CCSER1: variants seen among roughly 807,000 people sequenced by gnomAD.
The protein encoded by CCSER1 is coiled-coil serine rich protein 1.
CCSER1 carries 41 observed loss-of-function variants against 82.0 expected under a neutral mutation model. The ratio of observed to expected loss-of-function variants is 0.50; its 90% CI spans 0.39 to 0.65. The LOEUF is 0.65. Ranked by LOEUF, CCSER1 falls within the 30% of genes least tolerant of loss-of-function variation. The pLI, the probability that CCSER1 is intolerant of heterozygous loss-of-function variation, is 0.00. For missense variants in CCSER1, 1,119 were observed against 1,064.2 expected, an observed-to-expected ratio of 1.05 and a Z score of -0.72; for synonymous variants, 414 against 383.9, an observed-to-expected ratio of 1.08 and a Z score of -0.92.
At chr4:90,441,203 C>T (rs989780396) in intron 4 of CCSER1, among the ~76,000 whole-genome samples, 2 of 152,082 alleles carry the variant, frequency 1.3e-5, no homozygotes, top group Non-Finnish European at 2.9e-5. Flanking sequence ...CACCTGAATA[C>T]TTGGAATTTT....
At chr4:91,483,997 C>T (rs1415960181) in intron 10 of CCSER1, among the ~76,000 whole-genome samples, 1 of 145,898 alleles carries the variant, frequency 6.9e-6, no homozygotes, top group Non-Finnish European at 1.5e-5. Flanking sequence ...GTGCTTACAA[C>T]TTTAACTTCA....
chr4:91,436,750 A>G (rs1284147925), intron 10 of CCSER1, among the ~76,000 whole-genome samples: 1 of 152,224 alleles, frequency 6.6e-6, no homozygotes, highest in Non-Finnish European at 1.5e-5. Flanking sequence ...AAACAGAGAG[A>G]TAGCCAAGCC....
chr4:91,374,934 T>G (rs944381979), intron 10 of CCSER1, among the ~76,000 whole-genome samples: 3 of 152,160 alleles, frequency 2.0e-5, no homozygotes, highest in African/African-American at 7.2e-5. Flanking sequence ...AGGCTGAGGT[T>G]GCAGTGAGCT....
chr4:91,543,600 CT>C, intron 10 of CCSER1, among the ~76,000 whole-genome samples: 2 of 152,118 alleles, frequency 1.3e-5, no homozygotes, highest in Non-Finnish European at 2.9e-5. Context: ...GTTGAAAATT[CT>C]TTTCTTTAAG....
At chr4:91,432,075 T>C (rs1754360893) in intron 10 of CCSER1, among the ~76,000 whole-genome samples, 2 of 152,168 alleles carry the variant, frequency 1.3e-5, no homozygotes, top group Non-Finnish European at 2.9e-5. Flanking sequence ...GAGGGAGTTC[T>C]GGTGAGATCT....
At chr4:90,750,958 T>C (rs1461597983) in intron 7 of CCSER1, among the ~76,000 whole-genome samples, 1 of 152,170 alleles carries the variant, frequency 6.6e-6, no homozygotes, top group Admixed American at 6.6e-5. Flanking sequence ...CTGTCTATTA[T>C]GAAAATATCA....
chr4:90,397,710 T>G (rs2153542805), intron 3 of CCSER1, among the ~76,000 whole-genome samples: 1 of 152,272 alleles, frequency 6.6e-6, no homozygotes, highest in Admixed American at 6.5e-5. Context: ...TCTTGGACCG[T>G]TCACCAAGGA....
At chr4:91,303,524 A>G (rs1468327588) in intron 10 of CCSER1, among the ~76,000 whole-genome samples, 1 of 151,992 alleles carries the variant, frequency 6.6e-6, no homozygotes. Flanking sequence ...AGTTGTTCAC[A>G]CTTGTAATCC....
chr4:90,661,596 A>G (rs1016253327), intron 6 of CCSER1, among the ~76,000 whole-genome samples: 1 of 152,224 alleles, frequency 6.6e-6, no homozygotes, highest in African/African-American at 2.4e-5. Context: ...TATGTTAACT[A>G]TAAAGGAGAA....
intron 10 of CCSER1, among the ~76,000 whole-genome samples, chr4:91,370,085 C>T (rs1340355183): frequency 6.6e-5 from 10 of 151,494 alleles, no homozygotes; most frequent in East Asian, 3.9e-4. Context: ...CCATGTAGAC[C>T]TTGTGCTCAA....
intron 1 of CCSER1, among the ~76,000 whole-genome samples, chr4:90,155,997 C>T (rs1297902225): frequency 6.6e-6 from 1 of 152,088 alleles, no homozygotes; most frequent in African/African-American, 2.4e-5. Context: ...CCTGCTTCCT[C>T]TTGTGGGCAT....
intron 5 of CCSER1, among the ~76,000 whole-genome samples, chr4:90,581,350 T>A (rs911057060): frequency 4.6e-5 from 7 of 152,124 alleles, no homozygotes; most frequent in South Asian, 4.1e-4. Context: ...AGACTTTTAG[T>A]AGACCAGTTT....
chr4:91,161,564 C>T (rs1014145933), intron 10 of CCSER1, among the ~76,000 whole-genome samples: 6 of 152,008 alleles, frequency 3.9e-5, no homozygotes, highest in African/African-American at 1.2e-4. Context: ...TTGTTTGTGT[C>T]CTCTTTTATT....
At chr4:90,548,768 A>G (rs1190503703) in intron 5 of CCSER1, among the ~76,000 whole-genome samples, 2 of 151,838 alleles carry the variant, frequency 1.3e-5, no homozygotes, top group African/African-American at 2.4e-5. Context: ...ACACAGACAT[A>G]TATACACACA....
At chr4:90,813,845 A>G (rs985667625) in intron 7 of CCSER1, among the ~76,000 whole-genome samples, 3 of 152,066 alleles carry the variant, frequency 2.0e-5, no homozygotes, top group Admixed American at 6.5e-5. Flanking sequence ...TGGTGGATCT[A>G]TGATTCTGGG....
chr4:90,419,844 A>G (rs897848134), intron 4 of CCSER1, among the ~76,000 whole-genome samples: 2 of 151,918 alleles, frequency 1.3e-5, no homozygotes, highest in Non-Finnish European at 2.9e-5. Context: ...ATAAACCCTC[A>G]GTTCTTCATA....
chr4:90,464,945 G>A (rs896201381), intron 4 of CCSER1, among the ~76,000 whole-genome samples: 2 of 152,122 alleles, frequency 1.3e-5, no homozygotes, highest in Admixed American at 6.5e-5. Context: ...TTTTATATTT[G>A]ATTCAAATGT....
intron 10 of CCSER1, among the ~76,000 whole-genome samples, chr4:91,437,262 C>T (rs1167481286): frequency 3.3e-5 from 5 of 152,112 alleles, no homozygotes; most frequent in Admixed American, 6.5e-5. Context: ...ATATCTCATA[C>T]CCTGGGGGAA....
In CCSER1 at chr4:90,558,100, C is replaced by T. The variant is rs114679382; in HGVS notation, c.1725-69925C>T. Among the ~76,000 whole-genome samples the T allele has an allele frequency of 6.8e-3, 1,033 of 152,148 alleles. 13 individuals are homozygous for T. Among genetic ancestry groups the T allele is most frequent in the African/African-American group, 0.021 (859 of 41,510 alleles). ...TGTAACTTCTGTTTTATTTCTATCA[C>T]TGGTATGTGCTTGAATTAATGAAAA... On this transcript the variant is annotated intron_variant, in intron 5 of 10. Coordinates refer to ENST00000509176, the MANE Select transcript of CCSER1 (RefSeq NM_001145065.2).
Sources: allele counts gnomAD v4.1 joint callset (sites outside exome capture counted in the v4.1 genomes callset), GRCh38; gene constraint gnomAD v4.1.1; transcripts MANE v1.5; gene names NCBI Gene and HGNC (gene_info 2026-07-23, HGNC 2026-07-21).